The following HYDIN variants were observed in gnomAD, a reference collection of about 807,000 sequenced individuals.
The protein encoded by HYDIN is axonemal central pair apparatus protein HYDIN.
A neutral mutation model predicts 403.9 loss-of-function variants in HYDIN; 132 were observed. The observed-to-expected ratio is 0.33, with a 90% confidence interval of 0.28 to 0.38. The LOEUF is 0.38. Ranked by LOEUF, HYDIN falls within the 10% of genes least tolerant of loss-of-function variation. The pLI, the probability that HYDIN is intolerant of heterozygous loss-of-function variation, is 1.00. For missense variants in HYDIN, 2,827 were observed against 5,009.5 expected, an observed-to-expected ratio of 0.56 and a Z score of 13.15; for synonymous variants, 1,202 against 1,891.7, an observed-to-expected ratio of 0.64 and a Z score of 9.46.
intron 5 of HYDIN, among the ~76,000 whole-genome samples, chr16:71,167,318 C>T (rs1361329284): frequency 4.0e-5 from 6 of 150,074 alleles, no homozygotes; most frequent in Non-Finnish European, 8.9e-5. Flanking sequence ...GTACTATTTT[C>T]GCTTTTTCTT....
chr16:71,190,559 A>G (rs2087385758), intron 1 of HYDIN, among the ~76,000 whole-genome samples: 1 of 152,238 alleles, frequency 6.6e-6, no homozygotes, highest in Non-Finnish European at 1.5e-5. Context: ...TACTCTTTAT[A>G]AAAGAATTCC....
chr16:71,055,666 A>G (rs2081860481), intron 18 of HYDIN, among the ~76,000 whole-genome samples: 1 of 152,228 alleles, frequency 6.6e-6, no homozygotes, highest in South Asian at 2.1e-4. Context: ...TGGATGAGGC[A>G]TCTGAATTCC....
At chr16:70,892,843 CTGTT>C (rs951738341) in intron 55 of HYDIN, among the ~76,000 whole-genome samples, 1 of 152,240 alleles carries the variant, frequency 6.6e-6, no homozygotes, top group Non-Finnish European at 1.5e-5. Context: ...CTCTCTTTCT[CTGTT>C]TGTGTCTGTC....
chr16:71,185,919 G>A (rs1399269473), intron 2 of HYDIN, among the ~76,000 whole-genome samples: 1 of 152,024 alleles, frequency 6.6e-6, no homozygotes, highest in African/African-American at 2.4e-5. Context: ...TTTTATTTCT[G>A]TGATTTAATC....
At chr16:71,192,303 C>T (rs951361342) in intron 1 of HYDIN, among the ~76,000 whole-genome samples, 7 of 152,162 alleles carry the variant, frequency 4.6e-5, no homozygotes, top group Admixed American at 1.3e-4. Context: ...TGGGTAACTG[C>T]AACACTTAAC....
intron 18 of HYDIN, among the ~76,000 whole-genome samples, chr16:71,055,942 C>T (rs1031331266): frequency 1.3e-5 from 2 of 152,130 alleles, no homozygotes; most frequent in Non-Finnish European, 2.9e-5. Flanking sequence ...AAGGAGGCAT[C>T]TGTCCTCCAG....
At chr16:71,114,098 T>C (rs1260090722) in intron 10 of HYDIN, 3 of 151,536 alleles carry the variant, frequency 2.0e-5, no homozygotes, top group Admixed American at 6.6e-5. Context: ...TAAACCAAGA[T>C]AGCATCTCCC....
At chr16:71,043,551 T>C (rs2081353388) in intron 18 of HYDIN, among the ~76,000 whole-genome samples, 1 of 151,080 alleles carries the variant, frequency 6.6e-6, no homozygotes, top group African/African-American at 2.4e-5. Context: ...TCTGGCATTA[T>C]ATTTTTAGTA....
At chr16:71,209,118 T>C (rs1598035630) in intron 1 of HYDIN, among the ~76,000 whole-genome samples, 2 of 151,022 alleles carry the variant, frequency 1.3e-5, no homozygotes, top group South Asian at 4.2e-4. Flanking sequence ...GCCAATATTC[T>C]TGATAAGCAT....
Position 71,069,376 on chromosome 16 carries a change from T to C in HYDIN, c.1865A>G (p.Tyr622Cys), listed in dbSNP as rs752773731. 93 of 1,614,102 alleles carry C rather than the reference T, an allele frequency of 5.8e-5. No homozygotes were observed. The highest frequency in any genetic ancestry group is 7.0e-5 in the Non-Finnish European group (83 of 1,180,034). Residue 622 changes from tyrosine (Y) to cysteine (C), a missense_variant, in exon 14 of 86, where the codon TAC becomes TGC. Physicochemically the swap from Tyr to Cys is radical, Grantham distance 194. Coordinates refer to ENST00000393567, the MANE Select transcript of HYDIN (RefSeq NM_001270974.2). ...SISYCEQHVD[Y>C]KRPSWTKEEI... is the part of the protein sequence containing the mutation. ...TTCCTTGGTCCAAGATGGTCTTTTG[T>C]AGTCCACATGCTGCTCACAATATGA...
chr16:71,186,802 G>A lies in HYDIN; in HGVS notation c.94C>T (p.Leu32=), dbSNP rs776240838. ...TCTTCTGTAACCACCTTTGGACTCA[G>A]GGGTGGCAAAACCTTGCTTTGAAAT... ...KGFQSKVLPP[L]SPKVVTEEEV... Residue 32 remains leucine (L), a synonymous_variant, in exon 2 of 86, where the codon CTG becomes TTG. Transcript: ENST00000393567. 2.1e-5 allele frequency: 34 copies of A among 1,613,372 alleles called. No homozygotes were observed. Among genetic ancestry groups the A allele is most frequent in the Middle Eastern group, 1.6e-4 (1 of 6,078 alleles).
rs1054614588 is a variant in HYDIN at position 70,803,955 on chromosome 16, G to A, written c.*3625C>T. Among the ~76,000 whole-genome samples the A allele has an allele frequency of 3.9e-5, 6 of 152,196 alleles. No individual in the cohort carries two copies. The highest frequency in any genetic ancestry group is 1.4e-4 in the African/African-American group (6 of 41,440). ...CCTGACATTTTCTGAACATCCCCCA[G>A]TTAGAAGTCTCCTGGTCTGCTTTGC... On this transcript the variant is annotated 3_prime_UTR_variant, in exon 86 of 86. Transcript: ENST00000393567.
chr16:71,161,511 C>G (rs2086000482), intron 6 of HYDIN, among the ~76,000 whole-genome samples: 1 of 152,158 alleles, frequency 6.6e-6, no homozygotes, highest in South Asian at 2.1e-4. Flanking sequence ...CTATCACTTA[C>G]TAGCTCTGTG....
At chr16:71,092,422 T>C (rs953188782) in intron 11 of HYDIN, among the ~76,000 whole-genome samples, 3 of 152,218 alleles carry the variant, frequency 2.0e-5, no homozygotes, top group South Asian at 2.1e-4. Context: ...ACTTCTAGCA[T>C]ATTTGAGACA....
At position 70,833,021 on chromosome 16, in the gene HYDIN, G is replaced by A; in HGVS notation, c.13726C>T (p.Pro4576Ser). 1 of 1,613,874 alleles carries A rather than the reference G, an allele frequency of 6.2e-7. No homozygotes were observed. The highest frequency in any genetic ancestry group is 8.5e-7 in the Non-Finnish European group (1 of 1,179,928). The change falls in exon 80 of 86, where the codon CCA (proline) becomes TCA (serine). Residue 4576 changes from proline (P) to serine (S), a missense_variant. Coordinates refer to ENST00000393567, the MANE Select transcript of HYDIN (RefSeq NM_001270974.2). ...CCTGAGGTAATATAGCCTTCTTCTG[G>A]GCTAATGGAGAAATGAGGCTCAAAT... is the stretch of plus-strand genomic sequence containing the variant. ...KKFEPHFSIS[P>S]EEGYITSGME... is the part of the protein sequence containing the mutation.
intron 1 of HYDIN, among the ~76,000 whole-genome samples, chr16:71,190,250 A>G (rs925476469): frequency 6.6e-6 from 1 of 152,162 alleles, no homozygotes; most frequent in Non-Finnish European, 1.5e-5. Flanking sequence ...GTCTCATACC[A>G]TAAAACAAGA....
intron 1 of HYDIN, among the ~76,000 whole-genome samples, chr16:71,226,255 C>A (rs1417237544): frequency 6.6e-6 from 1 of 152,128 alleles, no homozygotes; most frequent in African/African-American, 2.4e-5. Context: ...CTGGAATATT[C>A]TGTTACATTG....
At chr16:71,156,806 C>G (rs2085788031) in intron 6 of HYDIN, among the ~76,000 whole-genome samples, 1 of 151,982 alleles carries the variant, frequency 6.6e-6, no homozygotes, top group Admixed American at 6.6e-5. Flanking sequence ...CTTCTTAATA[C>G]TCTCTATTTC....
intron 49 of HYDIN, among the ~76,000 whole-genome samples, chr16:70,907,783 A>G (rs2076576418): frequency 6.6e-6 from 1 of 151,760 alleles, no homozygotes; most frequent in Non-Finnish European, 1.5e-5. Context: ...GAGAATCCCT[A>G]TGGAAAATTG....
Sources: gnomAD v4.1 joint callset for allele counts (sites outside exome capture counted in the v4.1 genomes callset) on GRCh38, gnomAD v4.1.1 for gene constraint, MANE v1.5 for transcripts, NCBI Gene and HGNC (gene_info 2026-07-23, HGNC 2026-07-21) for gene names.